The following EPHA5 variants were observed in gnomAD, a reference collection of about 807,000 sequenced individuals.
EPHA5 encodes the protein EPH receptor A5.
EPHA5 carries 60 observed loss-of-function variants against 105.0 expected under a neutral mutation model. That is an observed-to-expected ratio of 0.57 (90% confidence interval 0.46 to 0.71). The LOEUF is 0.71. EPHA5 is among the 30% of genes least tolerant of loss of function. The probability of loss-of-function intolerance (pLI) is 0.00; values close to 1 mark genes in which losing one functional copy is unlikely to be tolerated. For synonymous variants in EPHA5, 513 were observed against 449.1 expected, an observed-to-expected ratio of 1.14 and a Z score of -1.80; for missense variants, 1,218 against 1,274.7, an observed-to-expected ratio of 0.96 and a Z score of 0.68.
chr4:65,559,866 T>C (rs1458610592), intron 3 of EPHA5, among the ~76,000 whole-genome samples: 1 of 152,192 alleles, frequency 6.6e-6, no homozygotes, highest in Admixed American at 6.6e-5. Flanking sequence ...CAGAATAAAA[T>C]GTCTCGATTA....
chr4:65,574,675 T>TATACAC (rs1740656579), intron 3 of EPHA5, among the ~76,000 whole-genome samples: 2 of 15,954 alleles, frequency 1.3e-4, no homozygotes, highest in Non-Finnish European at 3.3e-4. Context: ...TACACATATA[T>TATACAC]ATACATATAT....
At chr4:65,451,783 G>T (rs1727092395) in intron 5 of EPHA5, among the ~76,000 whole-genome samples, 1 of 152,094 alleles carries the variant, frequency 6.6e-6, no homozygotes, top group African/African-American at 2.4e-5. Flanking sequence ...TATGAGATAT[G>T]TTTACGAATG....
intron 3 of EPHA5, among the ~76,000 whole-genome samples, chr4:65,597,027 C>T (rs533025838): frequency 1.3e-5 from 2 of 152,268 alleles, no homozygotes; most frequent in South Asian, 4.1e-4. Context: ...AATCAAGGCT[C>T]TTTCTTGAAT....
intron 3 of EPHA5, chr4:65,574,403 A>T: frequency 1.5e-6 from 1 of 658,070 alleles, no homozygotes; most frequent in Non-Finnish European, 2.1e-6. Context: ...AAATAAAAAA[A>T]TACTCAAATA....
chr4:65,475,745 A>T (rs7660334), intron 5 of EPHA5, among the ~76,000 whole-genome samples: 23,456 of 152,150 alleles, frequency 0.15, 2,098 homozygotes, highest in East Asian at 0.23. Flanking sequence ...TGTTTGATGA[A>T]TTTCTCAGTT....
At chr4:65,601,531 CCA>C in intron 3 of EPHA5, 108 bp downstream of exon 3, 1 of 1,088,486 alleles carries the variant, frequency 9.2e-7, no homozygotes, top group East Asian at 2.4e-5. Flanking sequence ...GAAATAATCT[CCA>C]TAAATTAGCA....
At position 65,322,184 on chromosome 4, in the gene EPHA5, AATG is replaced by A; in HGVS notation, c.*1927_*1929del. 8.9e-6 allele frequency: 2 copies of A among 224,464 alleles called. No individual in the cohort carries two copies. Among genetic ancestry groups the A allele is most frequent in the Non-Finnish European group, 1.8e-5 (2 of 112,418 alleles). The allele number at this position is 224,464 out of a possible 1,614,324, so 13.9% of individuals were successfully genotyped here. A position where few individuals can be genotyped will look rare whatever the true frequency, so the allele number is the denominator to read the frequency against. On this transcript the variant is annotated 3_prime_UTR_variant, in exon 17 of 17. Coordinates refer to ENST00000613740, the MANE Select transcript of EPHA5 (RefSeq NM_001281766.3). Reference sequence around the variant, plus strand: ...ATAGCCCTTATTATTATGAGAACTGAATGTATTATTTGAAAACTGTTTAGATTT... The same window carrying A: ...ATAGCCCTTATTATTATGAGAACTGATATTATTTGAAAACTGTTTAGATTT...
At chr4:65,618,070 A>G (rs1194500936) in intron 2 of EPHA5, among the ~76,000 whole-genome samples, 1 of 152,154 alleles carries the variant, frequency 6.6e-6, no homozygotes, top group Non-Finnish European at 1.5e-5. Flanking sequence ...TGAAATTCCT[A>G]TCTTGCCAGG....
At chr4:65,456,025 A>C (rs1727548553) in intron 5 of EPHA5, among the ~76,000 whole-genome samples, 1 of 152,154 alleles carries the variant, frequency 6.6e-6, no homozygotes, top group Non-Finnish European at 1.5e-5. Flanking sequence ...AGCCATTCAC[A>C]AGTACATTAT....
At chr4:65,595,893 T>C (rs1372194690) in intron 3 of EPHA5, among the ~76,000 whole-genome samples, 4 of 152,186 alleles carry the variant, frequency 2.6e-5, no homozygotes, top group Non-Finnish European at 5.9e-5. Context: ...AAGATTTTTA[T>C]GAGCTAGTTA....
intron 2 of EPHA5, among the ~76,000 whole-genome samples, chr4:65,640,202 T>C (rs575152652): frequency 6.6e-6 from 1 of 152,202 alleles, no homozygotes; most frequent in Non-Finnish European, 1.5e-5. Flanking sequence ...GTTTCTTTAA[T>C]GACTTCTCTG....
At chr4:65,387,831 T>C (rs911910113) in intron 8 of EPHA5, among the ~76,000 whole-genome samples, 4 of 151,792 alleles carry the variant, frequency 2.6e-5, no homozygotes, top group South Asian at 4.1e-4. Context: ...TTTTTTTTTA[T>C]TATACTTTAA....
At chr4:65,562,332 T>C (rs1045889418) in intron 3 of EPHA5, among the ~76,000 whole-genome samples, 18 of 152,086 alleles carry the variant, frequency 1.2e-4, no homozygotes, top group African/African-American at 4.3e-4. Flanking sequence ...TTTAAGGCCA[T>C]GCTTCTCAAT....
intron 1 of EPHA5, among the ~76,000 whole-genome samples, chr4:65,654,254 A>AAG (rs397950603): frequency 6.6e-6 from 1 of 151,400 alleles, no homozygotes; most frequent in African/African-American, 2.4e-5. Context: ...AAAAAAAAAA[A>AAG]CAAAACTATT....
intron 3 of EPHA5, among the ~76,000 whole-genome samples, chr4:65,547,409 T>C (rs1012460024): frequency 6.6e-6 from 1 of 151,978 alleles, no homozygotes; most frequent in Non-Finnish European, 1.5e-5. Context: ...GAAGCTGTTT[T>C]TAAAAAGGTC....
At chr4:65,639,546 T>A (rs1747454488) in intron 2 of EPHA5, among the ~76,000 whole-genome samples, 1 of 152,202 alleles carries the variant, frequency 6.6e-6, no homozygotes, top group African/African-American at 2.4e-5. Context: ...ACAGTTTAAC[T>A]ATGATGTGTC....
chr4:65,379,572 A>T (rs1031029952), intron 8 of EPHA5, among the ~76,000 whole-genome samples: 1 of 151,722 alleles, frequency 6.6e-6, no homozygotes, highest in Non-Finnish European at 1.5e-5. Flanking sequence ...GAGAGAATAC[A>T]TCTATTTTAC....
rs1351586429 is a variant in EPHA5, at chr4:65,319,899, A to G, written c.*4215T>C. ...TGACTGTAAAACTACAGCAGCCTAA[A>G]GAGTCATAGATATGTTGACCACTGA... On this transcript the variant is annotated 3_prime_UTR_variant, in exon 17 of 17. Transcript: ENST00000613740. The G allele has an allele frequency of 4.3e-6, 1 of 230,142 alleles. No individual in the cohort carries two copies. The highest frequency in any genetic ancestry group is 8.6e-6 in the Non-Finnish European group (1 of 116,092). The allele number at this position is 230,142 out of a possible 1,614,324, so 14.3% of individuals were successfully genotyped here. A position where few individuals can be genotyped will look rare whatever the true frequency, so the allele number is the denominator to read the frequency against.
chr4:65,352,760 C>G (rs1401668418), intron 12 of EPHA5, among the ~76,000 whole-genome samples: 2 of 147,906 alleles, frequency 1.4e-5, no homozygotes, highest in Non-Finnish European at 3.0e-5. Context: ...TTTTCTTTTC[C>G]TCTCTTATTC....
Sources: allele counts gnomAD v4.1 joint callset (sites outside exome capture counted in the v4.1 genomes callset), GRCh38; gene constraint gnomAD v4.1.1; transcripts MANE v1.5; gene names NCBI Gene and HGNC (gene_info 2026-07-23, HGNC 2026-07-21).